TAF1: variants seen among roughly 807,000 people sequenced by gnomAD.
The protein encoded by TAF1 is transcription initiation factor TFIID subunit 1.
In TAF1, 2 loss-of-function variants were observed where a neutral mutation model predicts 138.5. The observed-to-expected ratio is 0.01, with a 90% CI of 0.01 to 0.05. TAF1 has a LOEUF of 0.05. Ranked by LOEUF, TAF1 falls within the 10% of genes least tolerant of loss-of-function variation. The pLI, the probability that TAF1 is intolerant of heterozygous loss-of-function variation, is 1.00. For synonymous variants in TAF1, 437 were observed against 503.2 expected (o/e 0.87, Z 1.76); for missense variants, 709 against 1,478.0 (o/e 0.48, Z 8.53).
At position 71,392,601 on chromosome X, in the gene TAF1, C is replaced by T. The variant is rs776411918; in HGVS notation, c.2814C>T (p.Ala938=). Residue 938 remains alanine, a synonymous_variant, in exon 19 of 38, where the codon GCC becomes GCT. Transcript: ENST00000423759. ...CTGCCCCTTGGAACACCACAAGGGC[C>T]TTCATTGCTGCCATGAAGGGCAAGT... is the stretch of plus-strand genomic sequence containing the variant. ...VRTAPWNTTR[A]FIAAMKGKCL... is the part of the protein sequence containing the mutation. 8.3e-7 allele frequency: 1 copy of T among 1,202,207 alleles called. No individual in the cohort carries two copies. The highest frequency in any genetic ancestry group is 1.8e-5 in the South Asian group (1 of 54,775).
At chrX:71,524,645 T>TAA (rs1184243073) in intron 13 of TAF1, among the ~76,000 whole-genome samples, 1 of 94,862 alleles carries the variant, frequency 1.1e-5, no homozygotes. Flanking sequence ...ATCCTGTTTC[T>TAA]AAAAAAAAAA....
intron 14 of TAF1, 79 bp downstream of exon 14, chrX:71,385,128 T>A (rs908722529): frequency 4.1e-6 from 3 of 724,814 alleles, no homozygotes; most frequent in Non-Finnish European, 6.1e-6. Flanking sequence ...AAAGAACTAT[T>A]ATAATTCTAG....
intron 32 of TAF1, among the ~76,000 whole-genome samples, chrX:71,452,130 C>T (rs1409766649): frequency 9.2e-6 from 1 of 108,464 alleles, no homozygotes; most frequent in African/African-American, 3.4e-5. Context: ...CACCTCCCTC[C>T]CAGACGGGGC....
At chrX:71,412,021 G>T (rs997084122) in intron 28 of TAF1, among the ~76,000 whole-genome samples, 6 of 111,639 alleles carry the variant, frequency 5.4e-5, no homozygotes, top group Non-Finnish European at 1.1e-4. Flanking sequence ...CTCCCAAAGT[G>T]CTGGGATTAA....
intron 37 of TAF1, among the ~76,000 whole-genome samples, chrX:71,463,436 C>CA (rs2038634680): frequency 9.1e-6 from 1 of 110,393 alleles, no homozygotes; most frequent in Non-Finnish European, 1.9e-5. Context: ...AGGACTAAGC[C>CA]AAGGTAGGCA....
At chrX:71,368,904 G>A (rs1178774408) in intron 3 of TAF1, 1 of 92,157 alleles carries the variant, frequency 1.1e-5, no homozygotes, top group Non-Finnish European at 2.1e-5. Flanking sequence ...AGGTTGGAGT[G>A]CGGTGACACG....
chrX:71,439,704 C>G (rs1289142810), intron 32 of TAF1, among the ~76,000 whole-genome samples: 1 of 111,896 alleles, frequency 8.9e-6, no homozygotes, highest in East Asian at 2.8e-4. Flanking sequence ...AAGAAAATTA[C>G]ATGTAGGTTT....
chrX:71,519,514 G>T (rs1005179811), intron 13 of TAF1, among the ~76,000 whole-genome samples: 1 of 106,135 alleles, frequency 9.4e-6, no homozygotes, highest in Non-Finnish European at 1.9e-5. Flanking sequence ...GTGGTGGCGG[G>T]CGCCTGTAGT....
intron 32 of TAF1, among the ~76,000 whole-genome samples, chrX:71,444,788 C>T (rs1032835558): frequency 4.5e-5 from 5 of 110,086 alleles, no homozygotes; most frequent in Admixed American, 9.7e-5. Context: ...TCCGCTCTGT[C>T]GCCCAGGCTG....
intron 24 of TAF1, 91 bp downstream of exon 24, chrX:71,398,828 A>G: frequency 9.3e-7 from 1 of 1,078,058 alleles, no homozygotes; most frequent in African/African-American, 1.9e-5. Flanking sequence ...TTTACTGGGA[A>G]TGAGGGAAGT....
chrX:71,400,491 C>T (rs1354849905), intron 24 of TAF1, among the ~76,000 whole-genome samples: 1 of 111,707 alleles, frequency 9.0e-6, no homozygotes, highest in Non-Finnish European at 1.9e-5. Flanking sequence ...TTAAAAGAAG[C>T]AACAAAAGTA....
chrX:71,374,238 A>G (rs1373935113), intron 3 of TAF1, among the ~76,000 whole-genome samples: 2 of 108,739 alleles, frequency 1.8e-5, no homozygotes, highest in Non-Finnish European at 3.8e-5. Flanking sequence ...ACATGCCACC[A>G]CTCCTGGCTA....
chrX:71,431,577 T>C (rs1027651032), intron 32 of TAF1, among the ~76,000 whole-genome samples: 7 of 110,456 alleles, frequency 6.3e-5, no homozygotes, highest in African/African-American at 2.3e-4. Flanking sequence ...AGTCACTGTT[T>C]AGAGGATGTG....
intron 28 of TAF1, among the ~76,000 whole-genome samples, chrX:71,412,849 G>C (rs1419572001): frequency 4.4e-5 from 5 of 112,522 alleles, no homozygotes; most frequent in Non-Finnish European, 9.4e-5. Flanking sequence ...GCTTCCCAAA[G>C]TTCCGCGATT....
At chrX:71,370,695 C>T (rs1049655975) in intron 3 of TAF1, among the ~76,000 whole-genome samples, 1 of 111,531 alleles carries the variant, frequency 9.0e-6, no homozygotes, top group African/African-American at 3.3e-5. Flanking sequence ...ATTCATCGTC[C>T]ACCTCTTCGA....
At chrX:71,513,200 C>T (rs1470929033) in intron 13 of TAF1, among the ~76,000 whole-genome samples, 1 of 111,390 alleles carries the variant, frequency 9.0e-6, no homozygotes, top group Admixed American at 9.6e-5. Flanking sequence ...GAGGCCCTAA[C>T]GTGTTTAAGG....
At chrX:71,401,208 C>A (rs761384563) in intron 24 of TAF1, among the ~76,000 whole-genome samples, 1 of 111,705 alleles carries the variant, frequency 9.0e-6, no homozygotes, top group African/African-American at 3.3e-5. Context: ...TTGATCAGTG[C>A]ATAACAATTC....
At chrX:71,416,160 G>A (rs2036002891) in intron 28 of TAF1, among the ~76,000 whole-genome samples, 1 of 30,531 alleles carries the variant, frequency 3.3e-5, no homozygotes, top group South Asian at 1.9e-3. Context: ...TGAGGTGGGA[G>A]GATTCCTTGA....
downstream of TAF1, among the ~76,000 whole-genome samples, chrX:71,468,257 AAG>A (rs1480430007): frequency 3.6e-5 from 4 of 110,015 alleles, no homozygotes; most frequent in East Asian, 5.7e-4. Context: ...TGTCAAAAAA[AAG>A]AGAAAAAAGA....
Sources: allele counts gnomAD v4.1 joint callset (sites outside exome capture counted in the v4.1 genomes callset), GRCh38; gene constraint gnomAD v4.1.1; transcripts MANE v1.5; gene names NCBI Gene and HGNC (gene_info 2026-07-23, HGNC 2026-07-21).